FAM169A: variants seen among roughly 807,000 people sequenced by gnomAD.
FAM169A encodes family with sequence similarity 169 member A, also known as soluble lamin-associated protein of 75 kDa.
Under a neutral mutation model 75.7 loss-of-function variants are expected in FAM169A, and 24 were observed. The ratio of observed to expected loss-of-function variants is 0.32; its 90% CI spans 0.23 to 0.45. The LOEUF (loss-of-function observed/expected upper bound fraction) is 0.45. Ranked by LOEUF, FAM169A falls within the 20% of genes least tolerant of loss-of-function variation. The pLI is 1.00. For missense variants in FAM169A, 673 were observed against 784.0 expected, an observed-to-expected ratio of 0.86 and a Z score of 1.69; for synonymous variants, 271 against 271.0, an observed-to-expected ratio of 1.00 and a Z score of 0.00.
intron 8 of FAM169A, among the ~76,000 whole-genome samples, chr5:74,803,688 T>A (rs1251596280): frequency 6.6e-6 from 1 of 152,092 alleles, no homozygotes; most frequent in Non-Finnish European, 1.5e-5. Context: ...CCACAAAACA[T>A]CAGTTCTAGA....
At chr5:74,785,050 C>T (rs1745626154) in intron 11 of FAM169A, among the ~76,000 whole-genome samples, 1 of 151,726 alleles carries the variant, frequency 6.6e-6, no homozygotes, top group East Asian at 1.9e-4. Flanking sequence ...GGCCAGGCAC[C>T]GTGGCTCACG....
intron 12 of FAM169A, among the ~76,000 whole-genome samples, chr5:74,782,548 G>GT (rs1561284303): frequency 6.6e-6 from 1 of 152,108 alleles, no homozygotes; most frequent in Non-Finnish European, 1.5e-5. Context: ...ACTCCAACAA[G>GT]TTTTTTCCCC....
chr5:74,857,819 G>A (rs1749803665), intron 1 of FAM169A, among the ~76,000 whole-genome samples: 1 of 152,036 alleles, frequency 6.6e-6, no homozygotes, highest in Non-Finnish European at 1.5e-5. Flanking sequence ...ACTAGAGACA[G>A]GAGAAACTTC....
At chr5:74,855,726 T>C (rs1452709701) in intron 1 of FAM169A, among the ~76,000 whole-genome samples, 1 of 152,248 alleles carries the variant, frequency 6.6e-6, no homozygotes, top group Non-Finnish European at 1.5e-5. Flanking sequence ...TTTTCTCCCA[T>C]TCTGTGGGTT....
intron 1 of FAM169A, among the ~76,000 whole-genome samples, chr5:74,860,587 A>G (rs764188380): frequency 1.3e-5 from 2 of 152,118 alleles, no homozygotes; most frequent in Non-Finnish European, 2.9e-5. Flanking sequence ...GGACAATCTG[A>G]CTTTCTGGAG....
At chr5:74,782,481 T>C (rs1198109590) in intron 12 of FAM169A, among the ~76,000 whole-genome samples, 1 of 152,146 alleles carries the variant, frequency 6.6e-6, no homozygotes, top group East Asian at 1.9e-4. Flanking sequence ...CATACAACAG[T>C]TTTTTAGCCA....
At chr5:74,825,450 T>C (rs531168607) in intron 5 of FAM169A, among the ~76,000 whole-genome samples, 1 of 152,316 alleles carries the variant, frequency 6.6e-6, no homozygotes, top group Admixed American at 6.5e-5. Flanking sequence ...CACATAAAGC[T>C]AGTGGTTTTA....
chr5:74,799,424 C>T, intron 10 of FAM169A: 1 of 1,613,154 alleles, frequency 6.2e-7, no homozygotes, highest in South Asian at 1.1e-5. Flanking sequence ...ATTCGCTCCA[C>T]AGTCCTCAGC....
chr5:74,781,196 A>G lies in FAM169A; in HGVS notation c.*264T>C, dbSNP rs1489994685. The G allele has an allele frequency of 2.6e-6, 1 of 390,386 alleles. No individual in the cohort carries two copies. The allele number at this position is 390,386 out of a possible 1,614,324, so 24.2% of individuals were successfully genotyped here. A position where few individuals can be genotyped will look rare whatever the true frequency, so the allele number is the denominator to read the frequency against. ...TGGTCAGATGTACCACCTGATAAAG[A>G]AAATATAATATGATCTGGTTTCCCA... On this transcript the variant is annotated 3_prime_UTR_variant, in exon 13 of 13. Coordinates refer to ENST00000687041, the MANE Select transcript of FAM169A (RefSeq NM_001376049.1).
At chr5:74,834,337 ATTAAT>A in intron 5 of FAM169A, 84 bp downstream of exon 5, 5 of 715,796 alleles carry the variant, frequency 7.0e-6, no homozygotes, top group Non-Finnish European at 1.0e-5. Context: ...CATGCTAGAG[ATTAAT>A]TTAACAGAGA....
intron 1 of FAM169A, among the ~76,000 whole-genome samples, chr5:74,863,079 T>C (rs1378591200): frequency 6.6e-6 from 1 of 150,936 alleles, no homozygotes; most frequent in African/African-American, 2.4e-5. Flanking sequence ...ACAAACTTTC[T>C]AGCCTAAAAA....
intron 1 of FAM169A, among the ~76,000 whole-genome samples, chr5:74,862,434 C>T (rs1229868502): frequency 6.6e-6 from 1 of 152,186 alleles, no homozygotes; most frequent in Non-Finnish European, 1.5e-5. Context: ...TCCCCAAAAG[C>T]TTCTGACAAG....
intron 1 of FAM169A, among the ~76,000 whole-genome samples, chr5:74,854,711 GTCTT>G (rs1749620869): frequency 1.3e-5 from 2 of 152,122 alleles, no homozygotes; most frequent in African/African-American, 4.8e-5. Flanking sequence ...TGCAAAGTTC[GTCTT>G]TCTGTGTCTG....
chr5:74,794,727 C>T (rs1225459927), intron 11 of FAM169A, among the ~76,000 whole-genome samples: 1 of 146,912 alleles, frequency 6.8e-6, no homozygotes. Flanking sequence ...TGCAGTGAGC[C>T]GAGATCGCGC....
intron 5 of FAM169A, among the ~76,000 whole-genome samples, chr5:74,826,114 C>T (rs1446260007): frequency 1.3e-5 from 2 of 152,146 alleles, no homozygotes; most frequent in African/African-American, 4.8e-5. Context: ...CCTTTCTGAT[C>T]AACCTCCTCC....
chr5:74,851,739 C>T (rs116732540), intron 1 of FAM169A, among the ~76,000 whole-genome samples: 2,193 of 152,198 alleles, frequency 0.014, 50 homozygotes, highest in African/African-American at 0.046. Flanking sequence ...CTTTATAAAT[C>T]AGCAGTGTAC....
intron 5 of FAM169A, among the ~76,000 whole-genome samples, chr5:74,824,900 A>C (rs556510243): frequency 7.2e-5 from 11 of 152,100 alleles, no homozygotes; most frequent in African/African-American, 2.7e-4. Context: ...GGAAGGTGAG[A>C]ATTTAGCTCT....
chr5:74,852,052 T>C (rs753000598), intron 1 of FAM169A, among the ~76,000 whole-genome samples: 4 of 152,202 alleles, frequency 2.6e-5, no homozygotes, highest in Non-Finnish European at 5.9e-5. Context: ...AAAGGAAACA[T>C]GTCTAACTCA....
intron 1 of FAM169A, among the ~76,000 whole-genome samples, chr5:74,853,767 G>A (rs935637535): frequency 6.9e-6 from 1 of 144,986 alleles, no homozygotes; most frequent in African/African-American, 2.6e-5. Context: ...CAGTGCAGTG[G>A]CGCCATCTCG....
Sources: allele counts gnomAD v4.1 joint callset (sites outside exome capture counted in the v4.1 genomes callset), GRCh38; gene constraint gnomAD v4.1.1; transcripts MANE v1.5; gene names NCBI Gene and HGNC (gene_info 2026-07-23, HGNC 2026-07-21).